Variants in TNFSF10 observed in about 807,000 individuals in gnomAD.
TNFSF10 encodes the protein tumor necrosis factor ligand superfamily member 10.
In TNFSF10, 13 loss-of-function variants were observed where a neutral mutation model predicts 29.5. That is an observed-to-expected ratio of 0.44 (90% CI 0.29 to 0.70). TNFSF10 has a LOEUF of 0.70. TNFSF10 is among the 30% of genes least tolerant of loss of function. The probability of loss-of-function intolerance (pLI) is 0.13; values close to 1 mark genes in which losing one functional copy is unlikely to be tolerated. For synonymous variants in TNFSF10, 111 were observed against 112.8 expected (o/e 0.98, Z 0.10); for missense variants, 345 against 330.9 (o/e 1.04, Z -0.33).
At chr3:172,510,482 T>A (rs1451039013) in intron 3 of TNFSF10, among the ~76,000 whole-genome samples, 2 of 152,062 alleles carry the variant, frequency 1.3e-5, no homozygotes, top group East Asian at 3.9e-4. Context: ...AAAGCCTAGA[T>A]TTGAAAGCAA....
intron 1 of TNFSF10, chr3:172,518,292 A>T: frequency 8.5e-7 from 1 of 1,179,206 alleles, no homozygotes; most frequent in Non-Finnish European, 1.1e-6. Context: ...GTGGATTTCC[A>T]TGGTGACTGC....
intron 1 of TNFSF10, among the ~76,000 whole-genome samples, chr3:172,520,000 C>G (rs1713612229): frequency 6.6e-6 from 1 of 152,218 alleles, no homozygotes; most frequent in African/African-American, 2.4e-5. Flanking sequence ...CACGGCCAGC[C>G]TCCAAAGCCT....
chr3:172,510,415 A>G (rs1689909529), intron 3 of TNFSF10, among the ~76,000 whole-genome samples: 2 of 152,114 alleles, frequency 1.3e-5, no homozygotes, highest in Non-Finnish European at 2.9e-5. Flanking sequence ...TGATCGTACC[A>G]CTGCACTCCA....
intron 1 of TNFSF10, chr3:172,517,812 AC>A: frequency 1.0e-6 from 1 of 982,506 alleles, no homozygotes; most frequent in Non-Finnish European, 1.2e-6. Flanking sequence ...GAAAAAAAGT[AC>A]CCATAATCAT....
intron 1 of TNFSF10, chr3:172,522,425 T>G (rs1823227): frequency 0.22 from 330,051 of 1,479,752 alleles, 41,622 homozygotes; most frequent in Middle Eastern, 0.37. Flanking sequence ...CATTTGTGTT[T>G]GAAAGCAGGA....
Position 172,514,990 on chromosome 3 carries a change from G to T in TNFSF10, c.141C>A (p.Asp47Glu), listed in dbSNP as rs16845759. ...AAGCAATGCCACTTTTGGAGTACTTGTCCTGCATCTGGGTTGAGATGGAAT... is the reference window on the plus strand; with the variant it reads ...AAGCAATGCCACTTTTGGAGTACTTTTCCTGCATCTGGGTTGAGATGGAAT... The part of the protein sequence containing the change: ...YFTNELKQMQ[D>E]KYSKSGIACF... Residue 47 changes from aspartate (D) to glutamate (E), a missense_variant, in exon 2 of 5, where the codon GAC (aspartate) becomes GAA (glutamate). Asp to Glu is a conservative substitution (Grantham distance 45). Transcript: ENST00000241261. The T allele has an allele frequency of 6.6e-3, 10,592 of 1,614,012 alleles. 438 individuals are homozygous for T. The African/African-American group carries it at 0.1, about 15-fold the overall frequency.
intron 4 of TNFSF10, among the ~76,000 whole-genome samples, chr3:172,508,071 G>A (rs565044010): frequency 1.1e-4 from 16 of 152,106 alleles, no homozygotes; most frequent in East Asian, 3.9e-4. Flanking sequence ...GGCCTGGTGT[G>A]GTGGCTCACG....
At chr3:172,509,018 G>A in intron 4 of TNFSF10, 199 bp downstream of exon 4, 2 of 376,000 alleles carry the variant, frequency 5.3e-6, no homozygotes. Flanking sequence ...TTTTCCTGAG[G>A]CCAGTTATGT....
rs536981667 is a variant in TNFSF10 at position 172,511,143 on chromosome 3, G to C, written c.313+474C>G. 7.2e-5 allele frequency among the ~76,000 whole-genome samples: 11 copies of C among 152,314 alleles called. No individual in the cohort carries two copies. The East Asian group carries it at 2.1e-3, about 29-fold the overall frequency. ...GTGTGGCCACAGGTGGAGACCGCAG[G>C]ATGAGGATCGTGGGTGGGTAGAAAG... On this transcript the variant is annotated intron_variant, in intron 3 of 4. Transcript: ENST00000241261.
In TNFSF10 at chr3:172,518,196, G is replaced by T. The variant is rs564605112; in HGVS notation, c.133-3198C>A. 7.1e-6 allele frequency: 8 copies of T among 1,118,946 alleles called. No homozygotes were observed. The African/African-American group carries it at 9.9e-5, about 14-fold the overall frequency. The allele number at this position is 1,118,946 out of a possible 1,614,324, so 69.3% of individuals were successfully genotyped here. ...TTGGGGGCAGAAGGTAGCGTGTGGG[G>T]ATTATTTTCATTTGCGTGCCTCTGA... is the stretch of plus-strand genomic sequence containing the variant. On this transcript the variant is annotated intron_variant, in intron 1 of 4. Coordinates refer to ENST00000241261, the MANE Select transcript of TNFSF10 (RefSeq NM_003810.4).
intron 4 of TNFSF10, among the ~76,000 whole-genome samples, chr3:172,507,612 G>A (rs1195955422): frequency 2.0e-5 from 3 of 152,120 alleles, no homozygotes; most frequent in Admixed American, 6.5e-5. Context: ...GTGCAAAATT[G>A]GGCTTTTCCA....
intron 1 of TNFSF10, chr3:172,517,983 T>A (rs547530833): frequency 3.0e-6 from 3 of 985,640 alleles, no homozygotes; most frequent in African/African-American, 3.5e-5. Flanking sequence ...GTTTCTCCTA[T>A]AGAACTTGGC....
chr3:172,520,076 G>A (rs1436320435), intron 1 of TNFSF10, among the ~76,000 whole-genome samples: 2 of 152,192 alleles, frequency 1.3e-5, no homozygotes, highest in East Asian at 1.9e-4. Context: ...GTGGTGGGGG[G>A]AGGATCTGAC....
chr3:172,515,989 G>A (rs753720618), intron 1 of TNFSF10, among the ~76,000 whole-genome samples: 67 of 152,260 alleles, frequency 4.4e-4, no homozygotes, highest in Middle Eastern at 3.4e-3. Context: ...TTGGCCAGGC[G>A]CGGTGGCTCA....
intron 4 of TNFSF10, among the ~76,000 whole-genome samples, chr3:172,508,934 C>A (rs1313079414): frequency 7.8e-6 from 1 of 128,006 alleles, no homozygotes; most frequent in Non-Finnish European, 1.6e-5. Flanking sequence ...AAAGAAAGAG[C>A]GAGAAATTAC....
intron 1 of TNFSF10, among the ~76,000 whole-genome samples, chr3:172,519,292 T>C (rs1297752114): frequency 6.6e-6 from 1 of 152,252 alleles, no homozygotes; most frequent in African/African-American, 2.4e-5. Context: ...TCTTAAGCCT[T>C]ATATGAAATT....
At chr3:172,515,138 G>T in intron 1 of TNFSF10, 140 bp from the exon 2 acceptor site, 47 of 942,118 alleles carry the variant, frequency 5.0e-5, no homozygotes, top group Non-Finnish European at 6.8e-5. Flanking sequence ...TGAAATAAAA[G>T]TAAGCATGCT....
intron 4 of TNFSF10, 26 bp from the exon 5 acceptor site, chr3:172,506,945 C>T (rs1227127066): frequency 3.9e-6 from 6 of 1,530,314 alleles, no homozygotes; most frequent in South Asian, 2.5e-5. Context: ...AGAGAAAGAG[C>T]GTTAACAGAA....
At chr3:172,522,519 G>A (rs1330610174) in intron 1 of TNFSF10, 6 of 803,412 alleles carry the variant, frequency 7.5e-6, no homozygotes, top group Non-Finnish European at 1.0e-5. Context: ...GGACTCAAAA[G>A]GAAAACTGAA....
Sources: allele counts gnomAD v4.1 joint callset (sites outside exome capture counted in the v4.1 genomes callset), GRCh38; gene constraint gnomAD v4.1.1; transcripts MANE v1.5; gene names NCBI Gene and HGNC (gene_info 2026-07-23, HGNC 2026-07-21).